Variants in KHDRBS2 observed in about 807,000 individuals in gnomAD.
KHDRBS2 encodes KH RNA binding domain containing, signal transduction associated 2.
A neutral mutation model predicts 44.3 loss-of-function variants in KHDRBS2; 26 were observed. The ratio of observed to expected loss-of-function variants is 0.59; its 90% confidence interval spans 0.43 to 0.81. KHDRBS2 has a LOEUF of 0.81. Ranked by LOEUF, KHDRBS2 falls within the 40% of genes least tolerant of loss-of-function variation. The pLI is 0.00. For synonymous variants in KHDRBS2, 194 were observed against 151.1 expected, an observed-to-expected ratio of 1.28 and a Z score of -2.08; for missense variants, 476 against 433.1, an observed-to-expected ratio of 1.10 and a Z score of -0.88.
At chr6:61,830,672 T>C (rs913378390) in intron 6 of KHDRBS2, among the ~76,000 whole-genome samples, 45 of 152,198 alleles carry the variant, frequency 3.0e-4, no homozygotes, top group African/African-American at 1.1e-3. Context: ...ACTTGTGTCT[T>C]TGGTTTCCCA....
At chr6:61,808,673 T>A (rs1787579118) in intron 6 of KHDRBS2, among the ~76,000 whole-genome samples, 1 of 152,150 alleles carries the variant, frequency 6.6e-6, no homozygotes. Context: ...AGATTTGGAT[T>A]ACAGTCTTCA....
At chr6:61,868,425 C>T (rs1670484189) in intron 6 of KHDRBS2, among the ~76,000 whole-genome samples, 1 of 152,166 alleles carries the variant, frequency 6.6e-6, no homozygotes, top group Non-Finnish European at 1.5e-5. Flanking sequence ...GTTGGGAGAT[C>T]CCGGCCAGTG....
chr6:62,266,161 T>A lies in KHDRBS2; in HGVS notation c.91+19697A>T, dbSNP rs139183356. Among the ~76,000 whole-genome samples, 387 of 152,212 alleles carry A rather than the reference T, an allele frequency of 2.5e-3. 3 individuals carry two copies. Among genetic ancestry groups the A allele is most frequent in the African/African-American group, 8.5e-3 (354 of 41,566 alleles). On this transcript the variant is annotated intron_variant, in intron 1 of 8. Coordinates refer to ENST00000281156, the MANE Select transcript of KHDRBS2 (RefSeq NM_152688.4). ...ACGAAGGACTCTGGCAGGTTTTATC[T>A]GTATTACACAGCCAAAAGGGATTAA...
At chr6:61,884,078 C>T (rs1396245046) in intron 6 of KHDRBS2, among the ~76,000 whole-genome samples, 1 of 151,976 alleles carries the variant, frequency 6.6e-6, no homozygotes, top group East Asian at 1.9e-4. Context: ...CCTCTCCTGT[C>T]AAAAAATGTT....
chr6:61,797,096 G>GA (rs1934352992), intron 6 of KHDRBS2, among the ~76,000 whole-genome samples: 1 of 151,676 alleles, frequency 6.6e-6, no homozygotes, highest in African/African-American at 2.4e-5. Flanking sequence ...GTATTCTTAA[G>GA]AAAAAAATAA....
the KHDRBS2 span, among the ~76,000 whole-genome samples, chr6:61,578,968 A>G: frequency 6.6e-6 from 1 of 152,168 alleles, no homozygotes; most frequent in Non-Finnish European, 1.5e-5. Context: ...TAATAGTTTT[A>G]TCCCTATTCA....
At chr6:61,936,525 T>C (rs921231751) in intron 4 of KHDRBS2, among the ~76,000 whole-genome samples, 3 of 152,000 alleles carry the variant, frequency 2.0e-5, no homozygotes, top group Admixed American at 6.6e-5. Context: ...AGATTTTTTT[T>C]TATATTTGAA....
chr6:61,577,352 C>T, the KHDRBS2 span, among the ~76,000 whole-genome samples: 3 of 151,998 alleles, frequency 2.0e-5, no homozygotes, highest in Non-Finnish European at 4.4e-5. Flanking sequence ...GAGATCTCAG[C>T]CTGAACTGGA....
chr6:61,791,225 C>A (rs574305232), intron 6 of KHDRBS2, among the ~76,000 whole-genome samples: 11 of 151,212 alleles, frequency 7.3e-5, no homozygotes, highest in Admixed American at 1.3e-4. Flanking sequence ...TGCCTCACTC[C>A]GGAATGTTTC....
At chr6:62,063,727 G>C (rs1367631071) in intron 2 of KHDRBS2, among the ~76,000 whole-genome samples, 1 of 129,986 alleles carries the variant, frequency 7.7e-6, no homozygotes, top group Non-Finnish European at 1.6e-5. Context: ...CACAAGACAG[G>C]GATGCCCTCT....
In KHDRBS2 at chr6:62,222,479, A is replaced by G. The variant is rs116306041; in HGVS notation, c.92-45167T>C. Among the ~76,000 whole-genome samples, 1,214 of 152,232 alleles carry G rather than the reference A, an allele frequency of 8.0e-3. 16 individuals are homozygous for G. Among genetic ancestry groups the G allele is most frequent in the African/African-American group, 0.028 (1,149 of 41,542 alleles). On this transcript the variant is annotated intron_variant, in intron 1 of 8. Transcript: ENST00000281156. ...ACCCCTGATAAAACCATCAAATCTC[A>G]TGAGACTCATTCACTGCCATGAGAA...
At chr6:62,176,979 C>G (rs1282941577) in intron 2 of KHDRBS2, among the ~76,000 whole-genome samples, 2 of 151,234 alleles carry the variant, frequency 1.3e-5, no homozygotes, top group African/African-American at 2.4e-5. Flanking sequence ...ATTCACAGAA[C>G]AAAAATGCTG....
intron 1 of KHDRBS2, among the ~76,000 whole-genome samples, chr6:62,268,562 G>A (rs1839571803): frequency 6.6e-6 from 1 of 152,088 alleles, no homozygotes; most frequent in Non-Finnish European, 1.5e-5. Flanking sequence ...ACCAAGGGTG[G>A]AGATGCCAAT....
At chr6:62,144,495 C>A (rs1813520225) in intron 2 of KHDRBS2, among the ~76,000 whole-genome samples, 1 of 151,772 alleles carries the variant, frequency 6.6e-6, no homozygotes, top group African/African-American at 2.4e-5. Context: ...TCTGCAATCT[C>A]CTTTAATACC....
the KHDRBS2 span, among the ~76,000 whole-genome samples, chr6:61,548,436 G>T: frequency 1.3e-5 from 2 of 152,050 alleles, no homozygotes; most frequent in African/African-American, 2.4e-5. Flanking sequence ...TTAAGTCTAG[G>T]ATGAGGCCTG....
the KHDRBS2 span, among the ~76,000 whole-genome samples, chr6:61,579,485 G>A: frequency 6.6e-6 from 1 of 152,098 alleles, no homozygotes; most frequent in African/African-American, 2.4e-5. Context: ...TTTTCCACAT[G>A]CTTTAGGTTG....
At chr6:61,731,817 T>A (rs1291078153) in intron 7 of KHDRBS2, among the ~76,000 whole-genome samples, 1 of 152,124 alleles carries the variant, frequency 6.6e-6, no homozygotes, top group Non-Finnish European at 1.5e-5. Flanking sequence ...TTGAATTTTC[T>A]AAAAATGCAT....
At chr6:61,607,519 G>GAAAAAAAAAAAAAAAA in the KHDRBS2 span, among the ~76,000 whole-genome samples, 63 of 23,284 alleles carry the variant, frequency 2.7e-3, 5 homozygotes, top group Non-Finnish European at 3.0e-3. Context: ...TGAGTTCCAA[G>GAAAAAAAAAAAAAAAA]CAAAAAAAAA....
chr6:61,956,797 C>G (rs566188820), intron 4 of KHDRBS2, among the ~76,000 whole-genome samples: 2 of 152,226 alleles, frequency 1.3e-5, no homozygotes, highest in East Asian at 1.9e-4. Flanking sequence ...GCCTTAAACA[C>G]GTTTTAAAAT....
Sources: allele counts gnomAD v4.1 joint callset (sites outside exome capture counted in the v4.1 genomes callset), GRCh38; gene constraint gnomAD v4.1.1; transcripts MANE v1.5; gene names NCBI Gene and HGNC (gene_info 2026-07-23, HGNC 2026-07-21).